BAG3: variants seen among roughly 807,000 people sequenced by gnomAD.
BAG3 encodes BAG cochaperone 3, also known as BAG family molecular chaperone regulator 3.
Under a neutral mutation model 40.5 loss-of-function variants are expected in BAG3, and 14 were observed. The observed-to-expected ratio is 0.35, with a 90% CI of 0.23 to 0.54. BAG3 has a LOEUF of 0.54. Ranked by LOEUF, BAG3 falls within the 20% of genes least tolerant of loss-of-function variation. The pLI, the probability that BAG3 is intolerant of heterozygous loss-of-function variation, is 0.91. For synonymous variants in BAG3, 302 were observed against 307.8 expected (o/e 0.98, Z 0.20); for missense variants, 788 against 758.6 (o/e 1.04, Z -0.46).
intron 1 of BAG3, among the ~76,000 whole-genome samples, chr10:119,661,391 T>C (rs539206070): frequency 1.3e-5 from 2 of 152,224 alleles, no homozygotes; most frequent in East Asian, 1.9e-4. Context: ...CTGGGAAATA[T>C]GGGGATCTTT....
At position 119,672,164 on chromosome 10, in the gene BAG3, C is replaced by G; in HGVS notation, c.508-91C>G. 1 of 1,529,100 alleles carries G rather than the reference C, an allele frequency of 6.5e-7. No homozygotes were observed. Among genetic ancestry groups the G allele is most frequent in the Non-Finnish European group, 9.0e-7 (1 of 1,114,714 alleles). 94.7% of individuals were successfully genotyped at this position (1,529,100 alleles called of 1,614,324 possible). A position where few individuals can be genotyped will look rare whatever the true frequency, so the allele number is the denominator to read the frequency against. ...AGGAGGTCTTACAATATGGATTGCCCTGAGGAGGTGCACAGCAGAAGGCGT... is the reference window on the plus strand; with the variant it reads ...AGGAGGTCTTACAATATGGATTGCCGTGAGGAGGTGCACAGCAGAAGGCGT... On this transcript the variant is annotated intron_variant, in intron 2 of 3. Transcript: ENST00000369085. The surrounding 1 kb of genome is among the most constrained non-coding windows in gnomAD (Gnocchi z 4.8).
At chr10:119,666,071 C>A (rs552485442) in intron 1 of BAG3, among the ~76,000 whole-genome samples, 29 of 152,306 alleles carry the variant, frequency 1.9e-4, no homozygotes, top group South Asian at 1.5e-3. Flanking sequence ...CCCTTCCCCC[C>A]ACATGCCTCT....
Position 119,672,514 on chromosome 10 carries a change from AGCCCCG to A in BAG3, c.773_778del (p.Arg258_Pro259del). 1 of 1,614,002 alleles carries A rather than the reference AGCCCCG, an allele frequency of 6.2e-7. No homozygotes were observed. The highest frequency in any genetic ancestry group is 8.5e-7 in the Non-Finnish European group (1 of 1,179,930). On this transcript the variant is annotated inframe_deletion, in exon 3 of 4. Coordinates refer to ENST00000369085, the MANE Select transcript of BAG3 (RefSeq NM_004281.4). This position sits in a 1 kb window ranked among gnomAD's most constrained non-coding sequence, Gnocchi z 4.8. ...CACAAGATCCAGGGGGATGACTGGG[AGCCCCG>A]GCCCCTGCGGGCGGCATCCCCGTTC...
In BAG3 at chr10:119,677,128, T is replaced by G; in HGVS notation, c.1574T>G (p.Met525Arg). 1.2e-6 allele frequency: 2 copies of G among 1,614,068 alleles called. No homozygotes were observed. Among genetic ancestry groups the G allele is most frequent in the Non-Finnish European group, 1.7e-6 (2 of 1,180,012 alleles). ...GCAGATCAGCCACTGCAGGCAATCA[T>G]GGAGATGGGTGCCGTGGCAGCAGAC... ...LEADQPLQAI[M>R]EMGAVAADKG... Residue 525 changes from methionine (M) to arginine (R), a missense_variant, in exon 4 of 4, where the codon ATG (methionine) becomes AGG (arginine). Coordinates refer to ENST00000369085, the MANE Select transcript of BAG3 (RefSeq NM_004281.4).
intron 1 of BAG3, among the ~76,000 whole-genome samples, chr10:119,652,891 T>G (rs775401007): frequency 9.2e-5 from 14 of 152,372 alleles, no homozygotes; most frequent in Non-Finnish European, 1.9e-4. Flanking sequence ...AGTTATACTA[T>G]TCTTTCAATT....
In BAG3 at chr10:119,651,933, G is replaced by A. The variant is rs1030653325; in HGVS notation, c.180+78G>A. On this transcript the variant is annotated intron_variant, in intron 1 of 3. Transcript: ENST00000369085. ...CGGCGGGGAGTGGGCTGGGCCGGGG[G>A]GACGCGAGGCGGCGGGGCCCGGGGG... 1.2e-5 allele frequency: 14 copies of A among 1,212,644 alleles called. 1 individual carries two copies. The African/African-American group carries it at 1.3e-4, about 11-fold the overall frequency. The allele number at this position is 1,212,644 out of a possible 1,614,324, so 75.1% of individuals were successfully genotyped here. A position where few individuals can be genotyped will look rare whatever the true frequency, so the allele number is the denominator to read the frequency against.
chr10:119,657,912 G>A (rs117915240), intron 1 of BAG3, among the ~76,000 whole-genome samples: 8 of 152,316 alleles, frequency 5.3e-5, no homozygotes, highest in African/African-American at 7.2e-5. Flanking sequence ...CACCGTATAC[G>A]TGAAGGTTCT....
At chr10:119,662,660 C>T (rs1255738100) in intron 1 of BAG3, among the ~76,000 whole-genome samples, 1 of 152,138 alleles carries the variant, frequency 6.6e-6, no homozygotes, top group African/African-American at 2.4e-5. Context: ...TACTGTTTCT[C>T]CTAGTTCAGA....
At chr10:119,669,719 G>C (rs1847116266) in intron 1 of BAG3, 132 bp from the exon 2 acceptor site, 1 of 928,616 alleles carries the variant, frequency 1.1e-6, no homozygotes, top group African/African-American at 1.6e-5. Flanking sequence ...ACAGGGGCTG[G>C]GAGCTGGCTG....
chr10:119,655,770 G>A lies in BAG3; in HGVS notation c.180+3915G>A, dbSNP rs115594537. ...ATCCAGGACTTTCATTTTCCCCTCT[G>A]AAGAACAGCCTGTGTTGTTCACATG... On this transcript the variant is annotated intron_variant, in intron 1 of 3. Transcript: ENST00000369085. Among the ~76,000 whole-genome samples, 694 of 152,206 alleles carry A rather than the reference G, an allele frequency of 4.6e-3. 8 individuals are homozygous for A. Among genetic ancestry groups the A allele is most frequent in the African/African-American group, 0.016 (654 of 41,534 alleles).
intron 1 of BAG3, among the ~76,000 whole-genome samples, chr10:119,653,111 TTTTTG>T (rs1358868421): frequency 1.3e-5 from 2 of 152,252 alleles, no homozygotes; most frequent in African/African-American, 4.8e-5. Context: ...CTTTATGCAC[TTTTTG>T]TTTTAACAAT....
chr10:119,652,064 G>T (rs1038378989), intron 1 of BAG3, among the ~76,000 whole-genome samples: 1 of 152,056 alleles, frequency 6.6e-6, no homozygotes, highest in Non-Finnish European at 1.5e-5. Flanking sequence ...CAGGCGTCGG[G>T]GCGAAAGGAG....
chr10:119,659,580 G>A (rs947033424), intron 1 of BAG3, among the ~76,000 whole-genome samples: 3 of 152,192 alleles, frequency 2.0e-5, no homozygotes, highest in African/African-American at 4.8e-5. Context: ...GAGCCCCCCC[G>A]GGACTCAGGG....
chr10:119,671,064 G>C (rs1169387031), intron 2 of BAG3, among the ~76,000 whole-genome samples: 1 of 152,146 alleles, frequency 6.6e-6, no homozygotes, highest in African/African-American at 2.4e-5. Context: ...TAGAGAGGTA[G>C]TACCTGGCTG....
rs556000090 is a variant in BAG3 at position 119,672,352 on chromosome 10, C to T, written c.605C>T (p.Pro202Leu). 2.9e-5 allele frequency: 47 copies of T among 1,614,122 alleles called. No individual in the cohort carries two copies. The highest frequency in any genetic ancestry group is 2.4e-4 in the African/African-American group (18 of 75,038). Residue 202 changes from proline to leucine, a missense_variant, in exon 3 of 4, where the codon CCG (proline) becomes CTG (leucine). Transcript: ENST00000369085. The surrounding 1 kb of genome is among the most constrained non-coding windows in gnomAD (Gnocchi z 4.8). ...AGCAGCCTGGGCAGTCACCAGCTCCCGCGGGGGTACATCTCCATTCCGGTG... is the reference window on the plus strand; with the variant it reads ...AGCAGCCTGGGCAGTCACCAGCTCCTGCGGGGGTACATCTCCATTCCGGTG... ...GRSSLGSHQL[P>L]RGYISIPVIH...
chr10:119,674,619 T>C (rs1847193952), intron 3 of BAG3, among the ~76,000 whole-genome samples: 1 of 152,110 alleles, frequency 6.6e-6, no homozygotes, highest in Admixed American at 6.6e-5. Context: ...TTGATGAAAT[T>C]AGGGTGAGAT....
At chr10:119,657,864 TA>T (rs1846934263) in intron 1 of BAG3, among the ~76,000 whole-genome samples, 1 of 152,186 alleles carries the variant, frequency 6.6e-6, no homozygotes, top group Non-Finnish European at 1.5e-5. Context: ...AAGAGTCTCT[TA>T]AAAATTTTTT....
chr10:119,677,409 A>G lies in BAG3; in HGVS notation c.*127A>G. 2 of 1,130,654 alleles carry G rather than the reference A, an allele frequency of 1.8e-6. No homozygotes were observed. The highest frequency in any genetic ancestry group is 2.6e-6 in the Non-Finnish European group (2 of 764,036). 70.0% of individuals were successfully genotyped at this position (1,130,654 alleles called of 1,614,324 possible). ...GCTTGGTATGCAGTAACTTGGGTGGAGGCAAAACACTAATAAAAGGGCTAA... is the reference window on the plus strand; with the variant it reads ...GCTTGGTATGCAGTAACTTGGGTGGGGGCAAAACACTAATAAAAGGGCTAA... On this transcript the variant is annotated 3_prime_UTR_variant, in exon 4 of 4. Transcript: ENST00000369085.
Position 119,672,162 on chromosome 10 carries a change from C to A in BAG3, c.508-93C>A. 1 of 1,510,066 alleles carries A rather than the reference C, an allele frequency of 6.6e-7. No homozygotes were observed. Among genetic ancestry groups the A allele is most frequent in the Non-Finnish European group, 9.1e-7 (1 of 1,097,706 alleles). 93.5% of individuals were successfully genotyped at this position (1,510,066 alleles called of 1,614,324 possible). A position where few individuals can be genotyped will look rare whatever the true frequency, so the allele number is the denominator to read the frequency against. On this transcript the variant is annotated intron_variant, in intron 2 of 3. Coordinates refer to ENST00000369085, the MANE Select transcript of BAG3 (RefSeq NM_004281.4). The surrounding 1 kb of genome is among the most constrained non-coding windows in gnomAD (Gnocchi z 4.8). ...ATAGGAGGTCTTACAATATGGATTG[C>A]CCTGAGGAGGTGCACAGCAGAAGGC...
Sources: allele counts gnomAD v4.1 joint callset (sites outside exome capture counted in the v4.1 genomes callset), GRCh38; gene constraint gnomAD v4.1.1; non-coding constraint Gnocchi (gnomAD v3.1); transcripts MANE v1.5; gene names NCBI Gene and HGNC (gene_info 2026-07-23, HGNC 2026-07-21).